The following KCND2 variants were observed in gnomAD, a reference collection of about 807,000 sequenced individuals.
The protein encoded by KCND2 is potassium voltage-gated channel subfamily D member 2.
Under a neutral mutation model 54.4 loss-of-function variants are expected in KCND2, and 16 were observed. That is an observed-to-expected ratio of 0.29 (90% CI 0.20 to 0.45). KCND2 has a LOEUF of 0.45. Among genes scored for constraint, KCND2 ranks in the 20% least tolerant of loss-of-function variants. The pLI is 1.00. For missense variants in KCND2, 486 were observed against 824.2 expected (o/e 0.59, Z 5.02); for synonymous variants, 317 against 310.7 (o/e 1.02, Z -0.21).
chr7:120,684,731 G>A (rs1434479717), intron 1 of KCND2, among the ~76,000 whole-genome samples: 1 of 152,164 alleles, frequency 6.6e-6, no homozygotes, highest in Non-Finnish European at 1.5e-5. Context: ...AGTATTTACA[G>A]CCACTCCCCA....
intron 1 of KCND2, among the ~76,000 whole-genome samples, chr7:120,286,132 A>G (rs554143351): frequency 6.6e-6 from 1 of 152,108 alleles, no homozygotes; most frequent in African/African-American, 2.4e-5. Flanking sequence ...ATCACTTTAT[A>G]GACCACTCAC....
chr7:120,276,052 A>G (rs947779771), intron 1 of KCND2, among the ~76,000 whole-genome samples: 2 of 152,176 alleles, frequency 1.3e-5, no homozygotes, highest in South Asian at 2.1e-4. Context: ...AAAATATGAC[A>G]ATGAAAAACA....
chr7:120,605,224 A>G (rs1471447957), intron 1 of KCND2, among the ~76,000 whole-genome samples: 3 of 152,010 alleles, frequency 2.0e-5, no homozygotes, highest in Non-Finnish European at 4.4e-5. Flanking sequence ...GTCACTCTCC[A>G]ATCCTCTCTC....
chr7:120,318,683 A>C (rs1799849381), intron 1 of KCND2, among the ~76,000 whole-genome samples: 3 of 152,110 alleles, frequency 2.0e-5, no homozygotes, highest in Admixed American at 1.3e-4. Context: ...TTAACATTTT[A>C]GTGCTTCAGG....
At chr7:120,652,961 T>A (rs1445670086) in intron 1 of KCND2, among the ~76,000 whole-genome samples, 1 of 152,198 alleles carries the variant, frequency 6.6e-6, no homozygotes, top group Non-Finnish European at 1.5e-5. Context: ...TCTTTTAGAA[T>A]GTTGAGGATG....
chr7:120,610,011 A>G (rs1225667865), intron 1 of KCND2, among the ~76,000 whole-genome samples: 1 of 152,190 alleles, frequency 6.6e-6, no homozygotes, highest in Non-Finnish European at 1.5e-5. Flanking sequence ...TGGAAAGAGT[A>G]TAGTAATTAT....
intron 1 of KCND2, among the ~76,000 whole-genome samples, chr7:120,704,671 T>C (rs1249207617): frequency 6.6e-6 from 1 of 152,206 alleles, no homozygotes; most frequent in Non-Finnish European, 1.5e-5. Context: ...ACATTTTGTA[T>C]CTTATACGTG....
Position 120,275,404 on chromosome 7 carries a change from G to C in KCND2, c.772G>C (p.Val258Leu). ...TGCAGCGCCTAGTCGTTACCGTTTT[G>C]TGCGTAGTGTCATGAGTATCATCGA... is the stretch of plus-strand genomic sequence containing the variant. Reference protein sequence around the residue: ...LAAAPSRYRFVRSVMSIIDVV... With the variant: ...LAAAPSRYRFLRSVMSIIDVV... The change falls in exon 1 of 6, where the codon GTG (valine) becomes CTG (leucine). Residue 258 changes from valine (V) to leucine (L), a missense_variant. Around this residue, in one of 7 missense-constraint regions of KCND2, gnomAD observed 231 missense variants for 386.0 expected, o/e 0.60. Coordinates refer to ENST00000331113, the MANE Select transcript of KCND2 (RefSeq NM_012281.3). 6.2e-7 allele frequency: 1 copy of C among 1,613,782 alleles called. No homozygotes were observed.
chr7:120,456,753 C>A (rs977880382), intron 1 of KCND2, among the ~76,000 whole-genome samples: 3 of 152,174 alleles, frequency 2.0e-5, no homozygotes, highest in African/African-American at 7.2e-5. Flanking sequence ...CTGGATCTAC[C>A]ATTCTAGGGT....
At chr7:120,287,118 A>G (rs1799357152) in intron 1 of KCND2, among the ~76,000 whole-genome samples, 2 of 152,146 alleles carry the variant, frequency 1.3e-5, no homozygotes, top group Non-Finnish European at 2.9e-5. Flanking sequence ...ATTTAACAAC[A>G]TAATGAAGTG....
intron 1 of KCND2, among the ~76,000 whole-genome samples, chr7:120,667,712 A>G (rs1312979106): frequency 2.6e-5 from 4 of 152,058 alleles, no homozygotes; most frequent in Admixed American, 2.6e-4. Flanking sequence ...TCTTTCTCAT[A>G]GTAATCTAAT....
At chr7:120,517,116 T>C in intron 1 of KCND2, among the ~76,000 whole-genome samples, 1 of 152,258 alleles carries the variant, frequency 6.6e-6, no homozygotes, top group Middle Eastern at 3.4e-3. Flanking sequence ...GACTATGCAA[T>C]TACTTTTATT....
At chr7:120,427,280 C>A (rs942104170) in intron 1 of KCND2, among the ~76,000 whole-genome samples, 2 of 152,204 alleles carry the variant, frequency 1.3e-5, no homozygotes, top group African/African-American at 4.8e-5. Flanking sequence ...TTATATCTCT[C>A]ACCCTTTCCT....
chr7:120,627,312 A>T (rs959873644), intron 1 of KCND2, among the ~76,000 whole-genome samples: 1 of 152,206 alleles, frequency 6.6e-6, no homozygotes, highest in African/African-American at 2.4e-5. Flanking sequence ...TTTAAAATGA[A>T]TATGAGAATA....
At chr7:120,731,855 A>G (rs1792811061) in intron 1 of KCND2, among the ~76,000 whole-genome samples, 1 of 152,196 alleles carries the variant, frequency 6.6e-6, no homozygotes, top group Non-Finnish European at 1.5e-5. Flanking sequence ...GGCTCTTCCA[A>G]TTTTGGTATG....
chr7:120,313,728 GA>G, intron 1 of KCND2, among the ~76,000 whole-genome samples: 2 of 145,538 alleles, frequency 1.4e-5, no homozygotes, highest in Middle Eastern at 3.5e-3. Flanking sequence ...CTCTGCTCAA[GA>G]TGTCTCCTGG....
intron 1 of KCND2, among the ~76,000 whole-genome samples, chr7:120,529,303 G>A (rs1791815572): frequency 6.6e-6 from 1 of 152,156 alleles, no homozygotes; most frequent in South Asian, 2.1e-4. Context: ...ATAAAACTGA[G>A]CACTCTGAAA....
chr7:120,349,115 C>T (rs1800364609), intron 1 of KCND2, among the ~76,000 whole-genome samples: 1 of 152,106 alleles, frequency 6.6e-6, no homozygotes, highest in Admixed American at 6.6e-5. Context: ...ATATGGGAAA[C>T]TTATACTACT....
chr7:120,290,643 C>G (rs1392050307), intron 1 of KCND2, among the ~76,000 whole-genome samples: 1 of 151,954 alleles, frequency 6.6e-6, no homozygotes, highest in Non-Finnish European at 1.5e-5. Flanking sequence ...ATTTCCAAAT[C>G]TAATGGAACC....
Sources: gnomAD v4.1 joint callset for allele counts (sites outside exome capture counted in the v4.1 genomes callset) on GRCh38, gnomAD v4.1.1 for gene constraint, gnomAD v4.1.1 regional missense constraint, MANE v1.5 for transcripts, NCBI Gene and HGNC (gene_info 2026-07-23, HGNC 2026-07-21) for gene names.